TENM3: variants seen among roughly 807,000 people sequenced by gnomAD.
The protein encoded by TENM3 is teneurin-3.
A neutral mutation model predicts 255.1 loss-of-function variants in TENM3; 63 were observed. The ratio of observed to expected loss-of-function variants is 0.25; its 90% CI spans 0.20 to 0.30. The LOEUF is 0.30. Among genes scored for constraint, TENM3 ranks in the 10% least tolerant of loss-of-function variants. TENM3 has a pLI of 1.00. For synonymous variants in TENM3, 1,306 were observed against 1,322.3 expected, an observed-to-expected ratio of 0.99 and a Z score of 0.27; for missense variants, 2,929 against 3,461.1, an observed-to-expected ratio of 0.85 and a Z score of 3.86.
At chr4:182,393,131 G>A (rs78040468) in intron 3 of TENM3, among the ~76,000 whole-genome samples, 10,118 of 152,184 alleles carry the variant, frequency 0.066, 1,094 homozygotes, top group African/African-American at 0.22. Context: ...AACAGACAAC[G>A]TCTTTTTAAA....
chr4:182,268,863 C>G (rs1759425244), intron 1 of TENM3, among the ~76,000 whole-genome samples: 1 of 152,136 alleles, frequency 6.6e-6, no homozygotes, highest in Admixed American at 6.5e-5. Context: ...TAAACAGCAG[C>G]CCTCGGGGCT....
the TENM3 span, among the ~76,000 whole-genome samples, chr4:181,599,801 A>AT: frequency 6.6e-6 from 1 of 152,088 alleles, no homozygotes; most frequent in African/African-American, 2.4e-5. Context: ...TCATCTCTAT[A>AT]TTTTACTCAT....
chr4:182,054,431 G>GTGTGACGTAC, the TENM3 span, among the ~76,000 whole-genome samples: 1 of 152,150 alleles, frequency 6.6e-6, no homozygotes, highest in Non-Finnish European at 1.5e-5. Context: ...TAGTTACCAA[G>GTGTGACGTAC]TGTGACGTAC....
chr4:182,038,063 C>T, the TENM3 span, among the ~76,000 whole-genome samples: 14 of 152,048 alleles, frequency 9.2e-5, no homozygotes, highest in Admixed American at 5.2e-4. Context: ...TTTTCTACTT[C>T]GCGTGATTTT....
chr4:182,093,762 C>T, the TENM3 span, among the ~76,000 whole-genome samples: 1 of 152,120 alleles, frequency 6.6e-6, no homozygotes, highest in African/African-American at 2.4e-5. Flanking sequence ...CCCACCAGGG[C>T]ACGCTTCCAC....
chr4:181,845,584 A>G, the TENM3 span, among the ~76,000 whole-genome samples: 1 of 152,200 alleles, frequency 6.6e-6, no homozygotes, highest in Admixed American at 6.5e-5. Flanking sequence ...TGGCACACTT[A>G]CTTTGCCATT....
At chr4:182,057,512 G>A in the TENM3 span, among the ~76,000 whole-genome samples, 1,952 of 150,610 alleles carry the variant, frequency 0.013, 34 homozygotes, top group African/African-American at 0.045. Flanking sequence ...TTGGGCTCAA[G>A]CGATCCTCCT....
chr4:182,014,035 C>CAT, the TENM3 span, among the ~76,000 whole-genome samples: 1 of 38,658 alleles, frequency 2.6e-5, no homozygotes, highest in African/African-American at 1.0e-4. Context: ...CGTATATACA[C>CAT]ATATATACGT....
the TENM3 span, among the ~76,000 whole-genome samples, chr4:181,699,197 G>T: frequency 6.6e-6 from 1 of 152,196 alleles, no homozygotes; most frequent in South Asian, 2.1e-4. Context: ...GTGAGAAGCT[G>T]AGACCAGAGG....
chr4:181,512,399 T>C, the TENM3 span, among the ~76,000 whole-genome samples: 1 of 152,192 alleles, frequency 6.6e-6, no homozygotes. Flanking sequence ...CCCTCTTTTT[T>C]TCTTAGTAAG....
In TENM3 at chr4:182,171,861, C is replaced by T. The variant is rs572999784; in HGVS notation, c.-76+27107C>T. Reference sequence around the variant, plus strand: ...GGCTTAATAACTGATTTTTATAAACCGTGCTTAGGTTTACTACGAATATAT... The same window carrying T: ...GGCTTAATAACTGATTTTTATAAACTGTGCTTAGGTTTACTACGAATATAT... On this transcript the variant is annotated intron_variant, in intron 1 of 2. Coordinates refer to the TENM3 transcript ENST00000512480. 4.0e-5 allele frequency among the ~76,000 whole-genome samples: 6 copies of T among 151,676 alleles called. No homozygotes were observed. In the South Asian group the frequency reaches 1.0e-3, roughly 26 times the overall value.
At position 182,587,084 on chromosome 4, in the gene TENM3, G is replaced by A. The variant is rs371847248; in HGVS notation, c.512-13840G>A. On this transcript the variant is annotated intron_variant, in intron 3 of 27. Coordinates refer to ENST00000511685, the MANE Select transcript of TENM3 (RefSeq NM_001080477.4). ...TTCATAACTTTTATAAAACAGATCA[G>A]TTTTCTTTTAAAATTTTTTTTTAAG... Among the ~76,000 whole-genome samples, 9 of 137,554 alleles carry A rather than the reference G, an allele frequency of 6.5e-5. 1 individual carries two copies. In the East Asian group the frequency reaches 1.2e-3, roughly 18 times the overall value. 90.2% of individuals were successfully genotyped at this position (137,554 alleles called of 152,430 possible).
chr4:182,741,165 G>C (rs1761574829), intron 18 of TENM3, among the ~76,000 whole-genome samples: 1 of 152,166 alleles, frequency 6.6e-6, no homozygotes, highest in Non-Finnish European at 1.5e-5. Flanking sequence ...GACAGAGCAA[G>C]ACTCCATCTC....
At chr4:182,456,757 A>G (rs1196838086) in intron 3 of TENM3, among the ~76,000 whole-genome samples, 2 of 152,214 alleles carry the variant, frequency 1.3e-5, no homozygotes, top group East Asian at 3.8e-4. Context: ...CAGAAGATTA[A>G]TAGGTGAGGA....
rs397996500 is a variant in TENM3 at position 182,684,439 on chromosome 4, C to CAAA, written c.2035+2439_2035+2441dup. ...TTCAAATTTTGGACTGGCCCCATCACAAAAAAAAAAAAAAAATTTGGACTG... is the reference window on the plus strand; with the variant it reads ...TTCAAATTTTGGACTGGCCCCATCACAAAAAAAAAAAAAAAAAAATTTGGACTG... On this transcript the variant is annotated intron_variant, in intron 11 of 27. Transcript: ENST00000511685. 3.4e-4 allele frequency among the ~76,000 whole-genome samples: 24 copies of CAAA among 69,948 alleles called. 1 individual carries two copies. Among genetic ancestry groups the CAAA allele is most frequent in the South Asian group, 2.7e-3 (4 of 1,492 alleles). 45.9% of individuals were successfully genotyped at this position (69,948 alleles called of 152,430 possible).
At chr4:182,781,557 T>C (rs2152810521) in intron 24 of TENM3, among the ~76,000 whole-genome samples, 1 of 152,294 alleles carries the variant, frequency 6.6e-6, no homozygotes, top group Non-Finnish European at 1.5e-5. Flanking sequence ...ATCAGAATGA[T>C]GCTGGCCTCA....
chr4:182,049,403 G>T, the TENM3 span, among the ~76,000 whole-genome samples: 2 of 151,950 alleles, frequency 1.3e-5, no homozygotes, highest in African/African-American at 2.4e-5. Context: ...CTCTACCCTG[G>T]AAAGGGACAG....
chr4:182,772,125 CTGTCTT>C (rs1390501641), intron 22 of TENM3, among the ~76,000 whole-genome samples: 1 of 152,178 alleles, frequency 6.6e-6, no homozygotes, highest in East Asian at 1.9e-4. Flanking sequence ...GGAGTCTTCT[CTGTCTT>C]TATCACCTAG....
chr4:181,581,190 C>T, the TENM3 span, among the ~76,000 whole-genome samples: 4 of 152,164 alleles, frequency 2.6e-5, no homozygotes, highest in Non-Finnish European at 5.9e-5. Context: ...CCTGTAATCC[C>T]AGCACTTTGG....
Sources: gnomAD v4.1 joint callset for allele counts (sites outside exome capture counted in the v4.1 genomes callset) on GRCh38, gnomAD v4.1.1 for gene constraint, MANE v1.5 for transcripts, NCBI Gene and HGNC (gene_info 2026-07-23, HGNC 2026-07-21) for gene names.